The following MNDA variants were observed in gnomAD, a reference collection of about 807,000 sequenced individuals.
The protein encoded by MNDA is epididymis secretory sperm binding protein.
Under a neutral mutation model 37.8 loss-of-function variants are expected in MNDA, and 43 were observed. The observed-to-expected ratio is 1.14, with a 90% confidence interval of 0.89 to 1.47. The LOEUF (loss-of-function observed/expected upper bound fraction) is 1.47, where lower values mean the gene tolerates loss of function less well. MNDA is among the 40% of genes most tolerant of loss of function. The pLI, the probability that MNDA is intolerant of heterozygous loss-of-function variation, is 0.00. For synonymous variants in MNDA, 181 were observed against 169.0 expected, an observed-to-expected ratio of 1.07 and a Z score of -0.55; for missense variants, 536 against 476.0, an observed-to-expected ratio of 1.13 and a Z score of -1.17.
chr1:158,842,330 T>C lies in MNDA; in HGVS notation c.177T>C (p.Val59=), dbSNP rs16841145. The change falls in exon 2 of 7, where the codon GTT becomes GTC. Residue 59 remains valine (V), a synonymous_variant. Transcript: ENST00000368141. ...TDLMEKKFQG[V]ACLDKLIELA... ...TGATGGAAAAAAAGTTCCAAGGCGT[T>C]GCCTGTCTAGACAAACTAATAGAAC... The C allele has an allele frequency of 1.4e-3, 2,318 of 1,614,146 alleles. 29 individuals are homozygous for C. In the African/African-American group the frequency reaches 0.026, roughly 18 times the overall value.
rs1659040752 is a variant in MNDA, at chr1:158,842,224, C to G, written c.71C>G (p.Ser24Ter). ...FELMDDYHFT[S>*]IKSLLAYDLG... Reference sequence around the variant, plus strand: ...CTCATGGATGATTATCATTTTACATCAATTAAGTCCTTACTGGCCTATGAT... The same window carrying G: ...CTCATGGATGATTATCATTTTACATGAATTAAGTCCTTACTGGCCTATGAT... Residue 24 changes from serine to a stop codon, truncating the protein, a stop_gained, in exon 2 of 7, where the codon TCA (serine) becomes TGA (stop). Transcript: ENST00000368141. LOFTEE classifies it high-confidence loss of function. 6.2e-7 allele frequency: 1 copy of G among 1,613,750 alleles called. No homozygotes were observed. The highest frequency in any genetic ancestry group is 8.5e-7 in the Non-Finnish European group (1 of 1,179,730).
At position 158,833,252 on chromosome 1, in the gene MNDA, G is replaced by A. The variant is rs138364926; in HGVS notation, c.-21+1695G>A. ...TTCATAATGAGTAGTTCTTCACAAA[G>A]AGCTGTGGGTATGGATATTTTCACT... On this transcript the variant is annotated intron_variant, in intron 1 of 6. Coordinates refer to ENST00000368141, the MANE Select transcript of MNDA (RefSeq NM_002432.3). Among the ~76,000 whole-genome samples the A allele has an allele frequency of 4.3e-3, 661 of 152,226 alleles. 3 individuals are homozygous for A. Among genetic ancestry groups the A allele is most frequent in the African/African-American group, 0.015 (618 of 41,538 alleles).
chr1:158,834,476 T>G lies in MNDA; in HGVS notation c.-21+2919T>G, dbSNP rs183473215. ...CACACTGTTTGGATTCTGTTGTTGT[T>G]GGAGTTGATTTGTAGGAGTTGGCTG... On this transcript the variant is annotated intron_variant, in intron 1 of 6. Transcript: ENST00000368141. Among the ~76,000 whole-genome samples the G allele has an allele frequency of 5.1e-3, 774 of 152,252 alleles. 4 individuals carry two copies. Among genetic ancestry groups the G allele is most frequent in the African/African-American group, 0.018 (744 of 41,546 alleles).
rs570245051 is a variant in MNDA, at chr1:158,843,891, T to C, written c.403-64T>C. 6.2e-4 allele frequency: 881 copies of C among 1,430,458 alleles called. 4 individuals are homozygous for C. In the African/African-American group the frequency reaches 0.011, roughly 18 times the overall value. The allele number at this position is 1,430,458 out of a possible 1,614,324, so 88.6% of individuals were successfully genotyped here. A position where few individuals can be genotyped will look rare whatever the true frequency, so the allele number is the denominator to read the frequency against. ...AACTTACTATGTTGTAATGAAAAAA[T>C]GAAAACTTGCTCTGCTTCTTTTGAT... On this transcript the variant is annotated intron_variant, in intron 3 of 6. Transcript: ENST00000368141.
At chr1:158,843,624 G>T (rs1659073685) in intron 3 of MNDA, among the ~76,000 whole-genome samples, 1 of 152,134 alleles carries the variant, frequency 6.6e-6, no homozygotes, top group African/African-American at 2.4e-5. Flanking sequence ...TTATAAAAAT[G>T]GGGTAATAAT....
intron 1 of MNDA, among the ~76,000 whole-genome samples, chr1:158,834,050 ACAT>A (rs1437558666): frequency 6.6e-6 from 1 of 152,076 alleles, no homozygotes; most frequent in East Asian, 1.9e-4. Flanking sequence ...GTACCAAAAA[ACAT>A]CATCCTAGGA....
At chr1:158,837,724 T>G (rs1331075126) in intron 1 of MNDA, among the ~76,000 whole-genome samples, 1 of 151,864 alleles carries the variant, frequency 6.6e-6, no homozygotes, top group East Asian at 1.9e-4. Flanking sequence ...TTTGAACTAA[T>G]TATTGATAAG....
intron 1 of MNDA, among the ~76,000 whole-genome samples, chr1:158,839,610 A>C (rs1038605944): frequency 6.6e-6 from 1 of 152,208 alleles, no homozygotes; most frequent in Non-Finnish European, 1.5e-5. Flanking sequence ...ATAATGTTGC[A>C]AAGCAGTTCC....
chr1:158,841,047 A>G (rs1421776923), intron 1 of MNDA, among the ~76,000 whole-genome samples: 1 of 152,210 alleles, frequency 6.6e-6, no homozygotes, highest in Non-Finnish European at 1.5e-5. Context: ...AAAGAGGCAC[A>G]CATAAGTGAG....
intron 4 of MNDA, 22 bp downstream of exon 4, chr1:158,844,144 T>C (rs557066859): frequency 6.6e-7 from 1 of 1,514,814 alleles, no homozygotes; most frequent in East Asian, 2.3e-5. Flanking sequence ...CTGGTCCTCT[T>C]CTCCATTTTT....
intron 1 of MNDA, among the ~76,000 whole-genome samples, chr1:158,839,496 T>C (rs991742221): frequency 6.6e-6 from 1 of 152,136 alleles, no homozygotes; most frequent in Non-Finnish European, 1.5e-5. Context: ...CACCACTACT[T>C]TTTGCAGCCT....
In MNDA at chr1:158,843,461, C is replaced by T; in HGVS notation, c.402+46C>T. ...CAGGACTGAAGCCTCACAGAAGATA[C>T]TCTGCTATGGCACGTGGCTCTTTAC... On this transcript the variant is annotated intron_variant, in intron 3 of 6. Coordinates refer to ENST00000368141, the MANE Select transcript of MNDA (RefSeq NM_002432.3). The T allele has an allele frequency of 2.0e-6, 3 of 1,532,500 alleles. No homozygotes were observed. The South Asian group carries it at 3.8e-5, about 19-fold the overall frequency. 94.9% of individuals were successfully genotyped at this position (1,532,500 alleles called of 1,614,324 possible).
chr1:158,844,203 G>T, intron 4 of MNDA, 81 bp downstream of exon 4: 1 of 1,253,052 alleles, frequency 8.0e-7, no homozygotes, highest in Non-Finnish European at 1.1e-6. Context: ...TTACTCTCAT[G>T]CATAACTCTT....
At chr1:158,840,997 C>T (rs1205608877) in intron 1 of MNDA, among the ~76,000 whole-genome samples, 13 of 152,060 alleles carry the variant, frequency 8.5e-5, no homozygotes, top group South Asian at 6.2e-4. Context: ...TTGGAATATA[C>T]GTTAGGAACT....
At chr1:158,835,399 T>C (rs993745058) in intron 1 of MNDA, among the ~76,000 whole-genome samples, 7 of 152,096 alleles carry the variant, frequency 4.6e-5, no homozygotes, top group Non-Finnish European at 8.8e-5. Context: ...TTAATTTCCT[T>C]TTTGTTCGTT....
chr1:158,831,778 T>C (rs1419180161), intron 1 of MNDA, among the ~76,000 whole-genome samples: 1 of 152,152 alleles, frequency 6.6e-6, no homozygotes, highest in Non-Finnish European at 1.5e-5. Context: ...CTACAGCAGG[T>C]TTTAAAAATT....
intron 2 of MNDA, among the ~76,000 whole-genome samples, chr1:158,842,994 G>C (rs1288243709): frequency 6.6e-6 from 1 of 152,158 alleles, no homozygotes; most frequent in African/African-American, 2.4e-5. Context: ...GAACAAGACT[G>C]AGAAAGGGTT....
chr1:158,837,131 G>T (rs1173606730), intron 1 of MNDA, among the ~76,000 whole-genome samples: 1 of 151,774 alleles, frequency 6.6e-6, no homozygotes, highest in Admixed American at 6.6e-5. Context: ...TATATGTTGG[G>T]ACAATGTTCC....
At chr1:158,832,090 TACA>T (rs1475258340) in intron 1 of MNDA, among the ~76,000 whole-genome samples, 9 of 152,192 alleles carry the variant, frequency 5.9e-5, no homozygotes, top group South Asian at 2.1e-4. Flanking sequence ...TGCTTCATTT[TACA>T]ACAAGTGTAA....
Sources: allele counts gnomAD v4.1 joint callset (sites outside exome capture counted in the v4.1 genomes callset), GRCh38; gene constraint gnomAD v4.1.1; transcripts MANE v1.5; gene names NCBI Gene and HGNC (gene_info 2026-07-23, HGNC 2026-07-21).